NAALADL2: variants seen among roughly 807,000 people sequenced by gnomAD.
NAALADL2 encodes the protein inactive N-acetylated-alpha-linked acidic dipeptidase-like protein 2.
NAALADL2 carries 76 observed loss-of-function variants against 87.2 expected under a neutral mutation model. The ratio of observed to expected loss-of-function variants is 0.87; its 90% CI spans 0.72 to 1.05. NAALADL2 has a LOEUF of 1.05. Ranked by LOEUF, NAALADL2 falls within the 50% of genes least tolerant of loss-of-function variation. NAALADL2 has a pLI of 0.00. For missense variants in NAALADL2, 1,089 were observed against 945.8 expected, an observed-to-expected ratio of 1.15 and a Z score of -1.99; for synonymous variants, 354 against 331.0, an observed-to-expected ratio of 1.07 and a Z score of -0.75.
chr3:174,923,333 C>T (rs1172239107), intron 1 of NAALADL2, among the ~76,000 whole-genome samples: 2 of 151,984 alleles, frequency 1.3e-5, no homozygotes, highest in Non-Finnish European at 2.9e-5. Context: ...AGTACATATC[C>T]ATGAGTACAT....
At chr3:175,367,579 C>A (rs1473043954) in intron 5 of NAALADL2, among the ~76,000 whole-genome samples, 1 of 152,256 alleles carries the variant, frequency 6.6e-6, no homozygotes, top group East Asian at 1.9e-4. Context: ...CTCCACGTCC[C>A]TTGTAAGTTG....
chr3:175,129,225 A>C (rs938057890), intron 2 of NAALADL2, among the ~76,000 whole-genome samples: 7 of 152,102 alleles, frequency 4.6e-5, no homozygotes, highest in African/African-American at 1.4e-4. Context: ...GATCACAGGC[A>C]TGAGCCACCA....
chr3:174,687,581 A>T (rs1021002143), intron 2 of NAALADL2, among the ~76,000 whole-genome samples: 1 of 152,150 alleles, frequency 6.6e-6, no homozygotes, highest in Non-Finnish European at 1.5e-5. Context: ...CTTTATGGTG[A>T]GAAGGGGGCA....
intron 1 of NAALADL2, among the ~76,000 whole-genome samples, chr3:174,452,781 A>G (rs1314292197): frequency 3.9e-5 from 6 of 152,120 alleles, no homozygotes; most frequent in Admixed American, 3.9e-4. Flanking sequence ...AAACTCATTC[A>G]AAGGACAGCA....
At chr3:175,463,736 G>GAGAGAGAGAGA (rs1560592659) in intron 7 of NAALADL2, among the ~76,000 whole-genome samples, 11 of 145,110 alleles carry the variant, frequency 7.6e-5, no homozygotes, top group African/African-American at 2.6e-4. Flanking sequence ...GAGAGAGAGA[G>GAGAGAGAGAGA]GTGGGGATCT....
chr3:175,310,470 C>T (rs1012010019), intron 4 of NAALADL2, among the ~76,000 whole-genome samples: 1 of 151,920 alleles, frequency 6.6e-6, no homozygotes, highest in South Asian at 2.1e-4. Flanking sequence ...TGTCACTAAA[C>T]CTAACCAATA....
At chr3:175,356,566 C>T (rs1490745176) in intron 5 of NAALADL2, among the ~76,000 whole-genome samples, 1 of 94,516 alleles carries the variant, frequency 1.1e-5, no homozygotes, top group Admixed American at 1.1e-4. Context: ...CAGAGCAAGA[C>T]CCTGTGTCAA....
At chr3:175,405,626 A>C (rs928825720) in intron 5 of NAALADL2, among the ~76,000 whole-genome samples, 1 of 152,180 alleles carries the variant, frequency 6.6e-6, no homozygotes, top group African/African-American at 2.4e-5. Flanking sequence ...GCACACATTA[A>C]AATTTATCAA....
intron 13 of NAALADL2, among the ~76,000 whole-genome samples, chr3:175,789,488 C>T (rs570337835): frequency 6.6e-6 from 1 of 152,220 alleles, no homozygotes; most frequent in Admixed American, 6.5e-5. Context: ...CAATTGAGAA[C>T]ATATTCTACT....
At chr3:175,383,886 T>C (rs115168516) in intron 5 of NAALADL2, among the ~76,000 whole-genome samples, 2,570 of 152,186 alleles carry the variant, frequency 0.017, 76 homozygotes, top group African/African-American at 0.058. Context: ...TCTAGTTCTT[T>C]CTCAGTAATC....
intron 4 of NAALADL2, among the ~76,000 whole-genome samples, chr3:175,269,929 G>T (rs1752553891): frequency 6.6e-6 from 1 of 152,250 alleles, no homozygotes; most frequent in Non-Finnish European, 1.5e-5. Context: ...GAGATACACA[G>T]AGAAAGATAA....
intron 4 of NAALADL2, among the ~76,000 whole-genome samples, chr3:175,262,021 T>C (rs753537499): frequency 4.6e-5 from 7 of 152,094 alleles, no homozygotes; most frequent in Non-Finnish European, 1.0e-4. Flanking sequence ...GGAGTAGCAT[T>C]ATTTAAAGAA....
At chr3:174,562,105 T>C (rs1386979706) in intron 2 of NAALADL2, among the ~76,000 whole-genome samples, 6 of 152,290 alleles carry the variant, frequency 3.9e-5, no homozygotes, top group African/African-American at 1.4e-4. Context: ...GCTTAAAATA[T>C]TGTGTGTTGA....
chr3:175,361,125 T>G (rs1012621596), intron 5 of NAALADL2, among the ~76,000 whole-genome samples: 9 of 152,030 alleles, frequency 5.9e-5, no homozygotes, highest in African/African-American at 2.2e-4. Context: ...GGTGTTTGGT[T>G]TTCTGTCCTT....
At chr3:175,104,130 C>G (rs1722701434) in intron 2 of NAALADL2, among the ~76,000 whole-genome samples, 1 of 152,050 alleles carries the variant, frequency 6.6e-6, no homozygotes, top group Admixed American at 6.6e-5. Flanking sequence ...ACCTGCCACC[C>G]ATGTTAACTT....
chr3:174,593,768 G>A (rs1044529259), intron 2 of NAALADL2, among the ~76,000 whole-genome samples: 2 of 151,982 alleles, frequency 1.3e-5, no homozygotes, highest in African/African-American at 4.8e-5. Context: ...CTCCTCACCT[G>A]ACACTTACTT....
At chr3:175,049,101 AT>A (rs35055378) in intron 1 of NAALADL2, among the ~76,000 whole-genome samples, 7 of 150,156 alleles carry the variant, frequency 4.7e-5, no homozygotes, top group East Asian at 2.0e-4. Flanking sequence ...CCCCACAGAT[AT>A]TTTTTTTTTC....
At chr3:175,639,477 A>C (rs964665000) in intron 11 of NAALADL2, among the ~76,000 whole-genome samples, 6 of 151,772 alleles carry the variant, frequency 4.0e-5, no homozygotes, top group East Asian at 3.9e-4. Flanking sequence ...CCTGCCACCA[A>C]GCCCGGCTAA....
At chr3:174,824,480 C>A (rs890805925) in intron 3 of NAALADL2, among the ~76,000 whole-genome samples, 3 of 152,102 alleles carry the variant, frequency 2.0e-5, no homozygotes, top group Non-Finnish European at 2.9e-5. Flanking sequence ...TATCACATTC[C>A]AAATATACCA....
Sources: allele counts gnomAD v4.1 joint callset (sites outside exome capture counted in the v4.1 genomes callset), GRCh38; gene constraint gnomAD v4.1.1; transcripts MANE v1.5; gene names NCBI Gene and HGNC (gene_info 2026-07-23, HGNC 2026-07-21).